The following PAPSS1 variants were observed in gnomAD, a reference collection of about 807,000 sequenced individuals.
PAPSS1 encodes the protein bifunctional 3'-phosphoadenosine 5'-phosphosulfate synthase 1.
PAPSS1 carries 50 observed loss-of-function variants against 72.0 expected under a neutral mutation model. That is an observed-to-expected ratio of 0.69 (90% confidence interval 0.55 to 0.88). The LOEUF (loss-of-function observed/expected upper bound fraction) is 0.88. Ranked by LOEUF, PAPSS1 falls within the 40% of genes least tolerant of loss-of-function variation. The pLI, the probability that PAPSS1 is intolerant of heterozygous loss-of-function variation, is 0.00. For missense variants in PAPSS1, 657 were observed against 782.2 expected (o/e 0.84, Z 1.91); for synonymous variants, 261 against 263.6 (o/e 0.99, Z 0.09).
At chr4:107,633,859 C>G (rs757729535) in intron 10 of PAPSS1, among the ~76,000 whole-genome samples, 2 of 140,236 alleles carry the variant, frequency 1.4e-5, no homozygotes, top group Non-Finnish European at 3.0e-5. Flanking sequence ...GCGGAGCTTG[C>G]AGTGAGCTGA....
At chr4:107,674,831 G>A (rs955558015) in intron 5 of PAPSS1, among the ~76,000 whole-genome samples, 3 of 152,028 alleles carry the variant, frequency 2.0e-5, no homozygotes, top group African/African-American at 7.3e-5. Context: ...ATAACAAACT[G>A]TCTCTCAGAC....
intron 9 of PAPSS1, 40 bp downstream of exon 9, chr4:107,653,451 C>A (rs746518582): frequency 5.1e-6 from 8 of 1,577,984 alleles, no homozygotes; most frequent in Non-Finnish European, 8.6e-7. Context: ...AACTTTCTCT[C>A]CAAGCCGGCC....
In PAPSS1 at chr4:107,715,313, C is replaced by T. The variant is rs569817295; in HGVS notation, c.60+4807G>A. ...CTGTTATTGGTAGAAGTTTAAGCTTCCCTTTTCATCAGGCAATTTTTTTAG... is the reference window on the plus strand; with the variant it reads ...CTGTTATTGGTAGAAGTTTAAGCTTTCCTTTTCATCAGGCAATTTTTTTAG... On this transcript the variant is annotated intron_variant, in intron 1 of 11. Coordinates refer to ENST00000265174, the MANE Select transcript of PAPSS1 (RefSeq NM_005443.5). Among the ~76,000 whole-genome samples, 166 of 152,284 alleles carry T rather than the reference C, an allele frequency of 1.1e-3. 1 individual carries two copies. The highest frequency in any genetic ancestry group is 3.6e-3 in the African/African-American group (151 of 41,568).
chr4:107,703,519 C>CT (rs1269409033), intron 1 of PAPSS1, among the ~76,000 whole-genome samples: 2 of 151,746 alleles, frequency 1.3e-5, no homozygotes, highest in African/African-American at 2.4e-5. Flanking sequence ...TTTTAATTCA[C>CT]TTTGAGTTTT....
At chr4:107,617,173 C>T (rs895578078) in intron 11 of PAPSS1, among the ~76,000 whole-genome samples, 1 of 149,676 alleles carries the variant, frequency 6.7e-6, no homozygotes, top group Non-Finnish European at 1.5e-5. Context: ...TGCTCAATGA[C>T]TCAACTGCTC....
chr4:107,684,004 A>T (rs1186073563), intron 4 of PAPSS1, among the ~76,000 whole-genome samples: 2 of 152,032 alleles, frequency 1.3e-5, no homozygotes, highest in Non-Finnish European at 2.9e-5. Flanking sequence ...GGAACATTTT[A>T]TCAACCTCTA....
At position 107,675,485 on chromosome 4, in the gene PAPSS1, G is replaced by C. The variant is rs547842069; in HGVS notation, c.669+6530C>G. ...ATACACCCTCCCAAGACTAAACCAG[G>C]AAGAAGTTGAATCTCTGAATAGACC... On this transcript the variant is annotated intron_variant, in intron 5 of 11. Coordinates refer to ENST00000265174, the MANE Select transcript of PAPSS1 (RefSeq NM_005443.5). 3.9e-5 allele frequency among the ~76,000 whole-genome samples: 6 copies of C among 152,270 alleles called. No individual in the cohort carries two copies. The South Asian group carries it at 8.3e-4, about 21-fold the overall frequency.
chr4:107,635,212 T>C (rs1417027014), intron 10 of PAPSS1, among the ~76,000 whole-genome samples: 4 of 152,172 alleles, frequency 2.6e-5, no homozygotes, highest in Non-Finnish European at 4.4e-5. Context: ...ACTTCATCAA[T>C]TTCCAGTTCC....
chr4:107,628,917 C>T (rs1726164255), intron 11 of PAPSS1, among the ~76,000 whole-genome samples: 1 of 152,206 alleles, frequency 6.6e-6, no homozygotes, highest in Admixed American at 6.5e-5. Flanking sequence ...TTCACACTAC[C>T]ACTTTAAACT....
chr4:107,719,913 G>T lies in PAPSS1; in HGVS notation c.60+207C>A, dbSNP rs980346422. ...TGGCTCGGACCGCACGCTGCGCCAA[G>T]CTAGGGCGAGATCCCCACCCTGCGC... is the stretch of plus-strand genomic sequence containing the variant. On this transcript the variant is annotated intron_variant, in intron 1 of 11. Transcript: ENST00000265174. The T allele has an allele frequency of 2.9e-5, 39 of 1,366,496 alleles. No homozygotes were observed. In the East Asian group the frequency reaches 4.7e-4, roughly 16 times the overall value. The allele number at this position is 1,366,496 out of a possible 1,614,324, so 84.6% of individuals were successfully genotyped here.
intron 1 of PAPSS1, among the ~76,000 whole-genome samples, chr4:107,713,106 G>A (rs192751121): frequency 3.2e-4 from 49 of 151,788 alleles, no homozygotes; most frequent in African/African-American, 1.2e-3. Flanking sequence ...GCCACCATGC[G>A]TGGCTAATTT....
chr4:107,631,878 T>C lies in PAPSS1; in HGVS notation c.1507-18A>G, dbSNP rs774444270. Reference sequence around the variant, plus strand: ...CACTGGACCTAGAATAAAAGTTTCATTTTAGGTAACTTTGCTTTTATGACT... The same window carrying C: ...CACTGGACCTAGAATAAAAGTTTCACTTTAGGTAACTTTGCTTTTATGACT... On this transcript the variant is annotated intron_variant, in intron 10 of 11. Transcript: ENST00000265174. 1.3e-6 allele frequency: 2 copies of C among 1,566,712 alleles called. No individual in the cohort carries two copies. Among genetic ancestry groups the C allele is most frequent in the Non-Finnish European group, 1.7e-6 (2 of 1,143,950 alleles).
intron 9 of PAPSS1, among the ~76,000 whole-genome samples, chr4:107,651,253 T>C (rs1265739935): frequency 1.3e-5 from 2 of 152,214 alleles, no homozygotes; most frequent in Non-Finnish European, 2.9e-5. Context: ...AGGTAGGAAC[T>C]ATGGAGCACT....
At chr4:107,630,093 C>G (rs1016130829) in intron 11 of PAPSS1, among the ~76,000 whole-genome samples, 1 of 152,152 alleles carries the variant, frequency 6.6e-6, no homozygotes, top group East Asian at 1.9e-4. Flanking sequence ...TTCCCAGGAC[C>G]CTTGGTTCTT....
At chr4:107,670,901 G>GA (rs1713532192) in intron 5 of PAPSS1, among the ~76,000 whole-genome samples, 2 of 151,910 alleles carry the variant, frequency 1.3e-5, no homozygotes, top group Non-Finnish European at 1.5e-5. Context: ...GTTTTAGAGC[G>GA]AAAAAAAGGA....
intron 11 of PAPSS1, among the ~76,000 whole-genome samples, chr4:107,628,751 T>C (rs941145877): frequency 6.6e-6 from 1 of 152,232 alleles, no homozygotes; most frequent in African/African-American, 2.4e-5. Flanking sequence ...AACTAGGTGC[T>C]ATAGATAATG....
intron 5 of PAPSS1, among the ~76,000 whole-genome samples, chr4:107,677,884 T>G (rs1578416137): frequency 6.6e-6 from 1 of 152,080 alleles, no homozygotes; most frequent in Admixed American, 6.6e-5. Flanking sequence ...ATGTCCTTTG[T>G]AGGGACATGG....
At chr4:107,673,919 A>G (rs2110331489) in intron 5 of PAPSS1, among the ~76,000 whole-genome samples, 2 of 152,356 alleles carry the variant, frequency 1.3e-5, no homozygotes, top group South Asian at 4.1e-4. Flanking sequence ...AAGAATTTTC[A>G]ACTCAGAATT....
chr4:107,631,581 G>A, intron 11 of PAPSS1, 50 bp downstream of exon 11: 3 of 1,312,156 alleles, frequency 2.3e-6, no homozygotes, highest in Non-Finnish European at 3.3e-6. Context: ...CCTGGGAGCA[G>A]CTAGACCACG....
Sources: allele counts gnomAD v4.1 joint callset (sites outside exome capture counted in the v4.1 genomes callset), GRCh38; gene constraint gnomAD v4.1.1; transcripts MANE v1.5; gene names NCBI Gene and HGNC (gene_info 2026-07-23, HGNC 2026-07-21).